Variants in GRIP1 observed in about 807,000 individuals in gnomAD.
GRIP1 encodes glutamate receptor interacting protein 1, also known as glutamate receptor-interacting protein 1.
A neutral mutation model predicts 129.9 loss-of-function variants in GRIP1; 45 were observed. The ratio of observed to expected loss-of-function variants is 0.35; its 90% CI spans 0.27 to 0.44. The LOEUF (loss-of-function observed/expected upper bound fraction) is 0.44, where lower values mean the gene tolerates loss of function less well. Ranked by LOEUF, GRIP1 falls within the 20% of genes least tolerant of loss-of-function variation. The probability of loss-of-function intolerance (pLI) is 1.00; values close to 1 mark genes in which losing one functional copy is unlikely to be tolerated. For missense variants in GRIP1, 1,196 were observed against 1,396.8 expected, an observed-to-expected ratio of 0.86 and a Z score of 2.29; for synonymous variants, 530 against 520.8, an observed-to-expected ratio of 1.02 and a Z score of -0.24.
chr12:66,744,372 T>C (rs2036881288), intron 1 of GRIP1, among the ~76,000 whole-genome samples: 1 of 152,180 alleles, frequency 6.6e-6, no homozygotes, highest in African/African-American at 2.4e-5. Flanking sequence ...CTGCTCTTTT[T>C]AGGACACTGT....
chr12:66,809,985 T>C (rs775345512), intron 1 of GRIP1, among the ~76,000 whole-genome samples: 6 of 152,178 alleles, frequency 3.9e-5, no homozygotes, highest in Non-Finnish European at 7.4e-5. Flanking sequence ...TGCTGATATA[T>C]ATATTTAATA....
rs534440382 is a variant in GRIP1, at chr12:66,933,563, T to A, written c.58+135487A>T. 1.4e-4 allele frequency among the ~76,000 whole-genome samples: 22 copies of A among 152,280 alleles called. No individual in the cohort carries two copies. In the South Asian group the frequency reaches 4.4e-3, roughly 30 times the overall value. On this transcript the variant is annotated intron_variant, in intron 1 of 1. Coordinates refer to the GRIP1 transcript ENST00000643019. ...TTTAGTTCATCCAAAAAAATTTAATTGAGGGGCTACTATATACCAGGCATT... is the reference window on the plus strand; with the variant it reads ...TTTAGTTCATCCAAAAAAATTTAATAGAGGGGCTACTATATACCAGGCATT...
intron 1 of GRIP1, among the ~76,000 whole-genome samples, chr12:66,890,374 T>C (rs142931221): frequency 0.021 from 3,171 of 152,296 alleles, 38 homozygotes; most frequent in Middle Eastern, 0.037. Flanking sequence ...CTTAATCTTA[T>C]TGAATGCAAA....
At chr12:66,386,480 A>G (rs1174171862) in intron 19 of GRIP1, among the ~76,000 whole-genome samples, 1 of 152,040 alleles carries the variant, frequency 6.6e-6, no homozygotes, top group East Asian at 1.9e-4. Context: ...TAAAAATACA[A>G]AAAATTAGCT....
At chr12:66,509,690 T>C (rs28610453) in intron 7 of GRIP1, among the ~76,000 whole-genome samples, 69,693 of 151,970 alleles carry the variant, frequency 0.46, 16,238 homozygotes, top group African/African-American at 0.53. Flanking sequence ...AGCAAACTAA[T>C]GCAGGAACAG....
Position 66,371,891 on chromosome 12 carries a change from G to A in GRIP1, c.2815C>T (p.His939Tyr), listed in dbSNP as rs776486488. 5 of 1,612,864 alleles carry A rather than the reference G, an allele frequency of 3.1e-6. No individual in the cohort carries two copies. ...TGACTGCGAGGTGTTGGAGCCTCAT[G>A]ATTCAAACTCATCGTGCTCCCCGAC... ...IMSGSTMSLN[H>Y]EAPTPRSQLG... The change falls in exon 23 of 25, where the codon CAT (histidine) becomes TAT (tyrosine). Residue 939 changes from histidine to tyrosine, a missense_variant. His to Tyr is a moderately conservative substitution (Grantham distance 83). Around this residue, in one of 5 missense-constraint regions of GRIP1, gnomAD observed 427 missense variants for 463.3 expected, o/e 0.92. Coordinates refer to ENST00000359742, the MANE Select transcript of GRIP1 (RefSeq NM_001366722.1).
At chr12:66,911,940 C>T (rs995616519) in intron 1 of GRIP1, among the ~76,000 whole-genome samples, 7 of 152,180 alleles carry the variant, frequency 4.6e-5, no homozygotes, top group East Asian at 1.9e-4. Flanking sequence ...CTCTGGTTTT[C>T]GCTGAATAAA....
chr12:66,531,950 T>C (rs2061475778), intron 4 of GRIP1, among the ~76,000 whole-genome samples: 1 of 152,230 alleles, frequency 6.6e-6, no homozygotes, highest in African/African-American at 2.4e-5. Flanking sequence ...TATAATTGAA[T>C]TCTAATTCTG....
upstream of GRIP1, among the ~76,000 whole-genome samples, chr12:66,806,281 C>G (rs1287050246): frequency 6.6e-6 from 1 of 152,010 alleles, no homozygotes; most frequent in Admixed American, 6.6e-5. Flanking sequence ...TTTTTCATAC[C>G]AGTTCAGAGA....
At chr12:66,927,916 G>T (rs571218293) in intron 1 of GRIP1, among the ~76,000 whole-genome samples, 1 of 152,324 alleles carries the variant, frequency 6.6e-6, no homozygotes, top group African/African-American at 2.4e-5. Context: ...GGAAAGAAAA[G>T]ATTTTTAGTC....
intron 1 of GRIP1, among the ~76,000 whole-genome samples, chr12:66,980,755 C>G (rs1174418780): frequency 6.6e-6 from 1 of 152,192 alleles, no homozygotes; most frequent in Non-Finnish European, 1.5e-5. Flanking sequence ...TGACCCCAGG[C>G]AGACTGATTC....
rs781360249 is a variant in GRIP1 at position 66,678,880 on chromosome 12, G to A, written c.25C>T (p.Arg9Cys). The A allele has an allele frequency of 1.2e-6, 2 of 1,613,424 alleles. No individual in the cohort carries two copies. Among genetic ancestry groups the A allele is most frequent in the South Asian group, 1.1e-5 (1 of 91,084 alleles). ...GTAAGTCGCCTCAGAATTTGACAAC[G>A]GCATTTAAAAGAGACAGCTATCATT... is the stretch of plus-strand genomic sequence containing the variant. MIAVSFKC[R>C]CQILRRLTKD... Residue 9 changes from arginine (R) to cysteine (C), a missense_variant, in exon 1 of 25, where the codon CGT (arginine) becomes TGT (cysteine). Arg to Cys is a radical substitution (Grantham distance 180). Around this residue, in one of 5 missense-constraint regions of GRIP1, gnomAD observed 217 missense variants for 224.8 expected, o/e 0.97. Coordinates refer to ENST00000359742, the MANE Select transcript of GRIP1 (RefSeq NM_001366722.1).
At chr12:66,473,136 T>C (rs2059489465) in intron 7 of GRIP1, among the ~76,000 whole-genome samples, 1 of 151,870 alleles carries the variant, frequency 6.6e-6, no homozygotes, top group South Asian at 2.1e-4. Context: ...TGAAGTTTGG[T>C]GGGGGGAGGG....
At chr12:67,012,253 G>C (rs531000574) in intron 1 of GRIP1, among the ~76,000 whole-genome samples, 2 of 152,172 alleles carry the variant, frequency 1.3e-5, no homozygotes, top group African/African-American at 2.4e-5. Context: ...TTATGATACA[G>C]GTCAGTTAAA....
chr12:66,371,158 A>ATTTTT (rs561040544), intron 23 of GRIP1, among the ~76,000 whole-genome samples: 1 of 135,002 alleles, frequency 7.4e-6, no homozygotes. Flanking sequence ...GCCATAAATA[A>ATTTTT]TTTTTTTTTT....
In GRIP1 at chr12:66,490,676, C is replaced by T. The variant is rs186218568; in HGVS notation, c.724+24943G>A. ...AGAAGCTATCATCAGAGTGAAAAGA[C>T]AACCTACAAAATGGGAGAGAATTTT... On this transcript the variant is annotated intron_variant, in intron 7 of 24. Transcript: ENST00000359742. 8.8e-4 allele frequency among the ~76,000 whole-genome samples: 134 copies of T among 152,212 alleles called. 1 individual carries two copies. Among genetic ancestry groups the T allele is most frequent in the African/African-American group, 3.2e-3 (131 of 41,528 alleles).
intron 2 of GRIP1, among the ~76,000 whole-genome samples, chr12:66,566,773 TG>T (rs1203908885): frequency 6.6e-6 from 1 of 152,204 alleles, no homozygotes; most frequent in East Asian, 1.9e-4. Flanking sequence ...GGACTTTTTT[TG>T]GTTGGTAAGC....
intron 1 of GRIP1, among the ~76,000 whole-genome samples, chr12:67,054,598 T>C (rs557590520): frequency 5.3e-5 from 8 of 152,152 alleles, no homozygotes; most frequent in African/African-American, 1.9e-4. Context: ...ACCCCGTTTC[T>C]ACTAAAAATA....
intron 16 of GRIP1, among the ~76,000 whole-genome samples, chr12:66,402,970 G>A (rs1373321236): frequency 6.6e-6 from 1 of 152,172 alleles, no homozygotes; most frequent in Non-Finnish European, 1.5e-5. Context: ...CATGGACTGT[G>A]CCAGTATTTC....
Sources: gnomAD v4.1 joint callset for allele counts (sites outside exome capture counted in the v4.1 genomes callset) on GRCh38, gnomAD v4.1.1 for gene constraint, gnomAD v4.1.1 regional missense constraint, MANE v1.5 for transcripts, NCBI Gene and HGNC (gene_info 2026-07-23, HGNC 2026-07-21) for gene names.